Variants in EHD3 observed in about 807,000 individuals in gnomAD.
EHD3 encodes EH domain containing 3.
In EHD3, 17 loss-of-function variants were observed where a neutral mutation model predicts 43.0. The observed-to-expected ratio is 0.40, with a 90% CI of 0.27 to 0.59. The LOEUF is 0.59. EHD3 is among the 20% of genes least tolerant of loss of function. The pLI, the probability that EHD3 is intolerant of heterozygous loss-of-function variation, is 0.49. For synonymous variants in EHD3, 313 were observed against 289.5 expected (o/e 1.08, Z -0.82); for missense variants, 594 against 705.6 (o/e 0.84, Z 1.79).
chr2:31,243,538 C>A (rs1683463856), intron 1 of EHD3, among the ~76,000 whole-genome samples: 1 of 147,572 alleles, frequency 6.8e-6, no homozygotes, highest in Admixed American at 6.8e-5. Flanking sequence ...CTCACTGCGA[C>A]CTCTGCCTCC....
chr2:31,253,354 C>T (rs1180844674), intron 3 of EHD3, among the ~76,000 whole-genome samples: 1 of 151,992 alleles, frequency 6.6e-6, no homozygotes, highest in East Asian at 1.9e-4. Flanking sequence ...GGTTTGGCCA[C>T]AGAGCAGACT....
Position 31,266,742 on chromosome 2 carries a change from A to G in EHD3, c.*38A>G. The G allele has an allele frequency of 6.6e-7, 1 of 1,524,206 alleles. No individual in the cohort carries two copies. The highest frequency in any genetic ancestry group is 8.9e-7 in the Non-Finnish European group (1 of 1,126,962). 94.4% of individuals were successfully genotyped at this position (1,524,206 alleles called of 1,614,324 possible). On this transcript the variant is annotated 3_prime_UTR_variant, in exon 6 of 6. Coordinates refer to ENST00000322054, the MANE Select transcript of EHD3 (RefSeq NM_014600.3). The surrounding 1 kb of genome is among the most constrained non-coding windows in gnomAD (Gnocchi z 5.1). ...ACATTCAGACGGGCAGTGTTAGAGG[A>G]GGAGATGGGAGCGGTGACTACACAC...
At chr2:31,263,943 G>T (rs550169064) in intron 5 of EHD3, among the ~76,000 whole-genome samples, 1 of 152,300 alleles carries the variant, frequency 6.6e-6, no homozygotes, top group African/African-American at 2.4e-5. Context: ...TTCTTTTATG[G>T]TGTGGTGTGG....
rs1195967403 is a variant in EHD3, at chr2:31,260,932, C to T, written c.915+10C>T. 1.0e-5 allele frequency: 16 copies of T among 1,584,526 alleles called. No homozygotes were observed. In the South Asian group the frequency reaches 1.6e-4, roughly 16 times the overall value. ...GGCCAGGCTGGCCAAGGTGAGGCAG[C>T]CCCCTGGGAGGTGGGCAGCTTGGGC... On this transcript the variant is annotated intron_variant, in intron 4 of 5. Transcript: ENST00000322054. This position sits in a 1 kb window ranked among gnomAD's most constrained non-coding sequence, Gnocchi z 4.6.
intron 3 of EHD3, among the ~76,000 whole-genome samples, chr2:31,258,781 C>T (rs1683797832): frequency 6.6e-6 from 1 of 152,206 alleles, no homozygotes; most frequent in African/African-American, 2.4e-5. Context: ...CAGTGGTATT[C>T]AAAGTGTGGC....
In EHD3 at chr2:31,244,547, T is replaced by G; in HGVS notation, c.404+97T>G. On this transcript the variant is annotated intron_variant, in intron 2 of 5. Transcript: ENST00000322054. ...GTAGGCAGGGTCTTGGGATGCTTGG[T>G]GCCTAGAGTCTCCTGTCAATCTTTC... 4 of 1,323,332 alleles carry G rather than the reference T, an allele frequency of 3.0e-6. No homozygotes were observed. The East Asian group carries it at 9.4e-5, about 31-fold the overall frequency. The allele number at this position is 1,323,332 out of a possible 1,614,324, so 82.0% of individuals were successfully genotyped here. A position where few individuals can be genotyped will look rare whatever the true frequency, so the allele number is the denominator to read the frequency against.
chr2:31,238,252 G>T (rs767517438), intron 1 of EHD3, among the ~76,000 whole-genome samples: 52 of 152,104 alleles, frequency 3.4e-4, no homozygotes, highest in Non-Finnish European at 6.9e-4. Context: ...TCCCATCCCT[G>T]CTTCTTGCCT....
chr2:31,252,252 G>T (rs1572467585), intron 3 of EHD3, among the ~76,000 whole-genome samples: 2 of 152,202 alleles, frequency 1.3e-5, no homozygotes, highest in Middle Eastern at 3.2e-3. Flanking sequence ...ATAGCCCTGG[G>T]TCTGGATCAC....
At chr2:31,238,072 G>A (rs1683354937) in intron 1 of EHD3, among the ~76,000 whole-genome samples, 1 of 152,016 alleles carries the variant, frequency 6.6e-6, no homozygotes, top group African/African-American at 2.4e-5. Flanking sequence ...GCAGGGTTTT[G>A]TTTAAAATAT....
chr2:31,263,455 C>T (rs759402837), intron 5 of EHD3, among the ~76,000 whole-genome samples: 3 of 152,136 alleles, frequency 2.0e-5, no homozygotes, highest in East Asian at 1.9e-4. Flanking sequence ...GGGTGTCCAT[C>T]GTAGGGTAAT....
At position 31,260,961 on chromosome 2, in the gene EHD3, G is replaced by T. The variant is rs779511192; in HGVS notation, c.915+39G>T. 2.6e-6 allele frequency: 4 copies of T among 1,551,966 alleles called. No individual in the cohort carries two copies. The highest frequency in any genetic ancestry group is 2.5e-5 in the South Asian group (2 of 79,280). On this transcript the variant is annotated intron_variant, in intron 4 of 5. Coordinates refer to ENST00000322054, the MANE Select transcript of EHD3 (RefSeq NM_014600.3). The surrounding 1 kb of genome is among the most constrained non-coding windows in gnomAD (Gnocchi z 4.6). ...CTGGGAGGTGGGCAGCTTGGGCAGG[G>T]GCCCAGAGTTTGGGGTCAGCTGCAC...
chr2:31,260,605 T>G lies in EHD3; in HGVS notation c.598T>G (p.Phe200Val). 1.2e-6 allele frequency: 2 copies of G among 1,614,112 alleles called. No individual in the cohort carries two copies. Among genetic ancestry groups the G allele is most frequent in the Non-Finnish European group, 1.7e-6 (2 of 1,180,038 alleles). ...CCACAAACTGGACATCTCTGATGAGTTCTCAGAAGTCATCAAAGCCCTCAA... is the reference window on the plus strand; with the variant it reads ...CCACAAACTGGACATCTCTGATGAGGTCTCAGAAGTCATCAAAGCCCTCAA... ...DAHKLDISDE[F>V]SEVIKALKNH... is the part of the protein sequence containing the mutation. Residue 200 changes from phenylalanine (F) to valine (V), a missense_variant, in exon 4 of 6, where the codon TTC becomes GTC. Around this residue, in one of 3 missense-constraint regions of EHD3, gnomAD observed 243 missense variants for 296.7 expected, o/e 0.82. Coordinates refer to ENST00000322054, the MANE Select transcript of EHD3 (RefSeq NM_014600.3). The surrounding 1 kb of genome is among the most constrained non-coding windows in gnomAD (Gnocchi z 4.6).
rs1425103510 is a variant in EHD3 at position 31,244,335 on chromosome 2, T to C, written c.289T>C (p.Phe97Leu). 6.2e-7 allele frequency: 1 copy of C among 1,614,210 alleles called. No homozygotes were observed. Residue 97 changes from phenylalanine (F) to leucine (L), a missense_variant, in exon 2 of 6, where the codon TTC becomes CTC. Phe to Leu is a conservative substitution (Grantham distance 22, BLOSUM62 0). Coordinates refer to ENST00000322054, the MANE Select transcript of EHD3 (RefSeq NM_014600.3). Reference sequence around the variant, plus strand: ...TGGGCCTGAGCCCACCACAGACTCCTTCATTGCGGTGATGCAGGGAGACAT... The same window carrying C: ...TGGGCCTGAGCCCACCACAGACTCCCTCATTGCGGTGATGCAGGGAGACAT... ...RIGPEPTTDS[F>L]IAVMQGDMEG... is the part of the protein sequence containing the mutation.
At position 31,266,449 on chromosome 2, in the gene EHD3, C is replaced by CT; in HGVS notation, c.1355dup (p.Tyr453LeufsTer14). On this transcript the variant is annotated frameshift_variant, in exon 6 of 6. Coordinates refer to ENST00000322054, the MANE Select transcript of EHD3 (RefSeq NM_014600.3). LOFTEE classifies it high-confidence loss of function. This position sits in a 1 kb window ranked among gnomAD's most constrained non-coding sequence, Gnocchi z 5.1. ...GGGACAAGCCCATGTACGACGAGAT[C>CT]TTCTACACCCTGTCACCGGTGGATG... is the stretch of plus-strand genomic sequence containing the variant. 1 of 1,613,950 alleles carries CT rather than the reference C, an allele frequency of 6.2e-7. No individual in the cohort carries two copies. Among genetic ancestry groups the CT allele is most frequent in the Non-Finnish European group, 8.5e-7 (1 of 1,179,962 alleles).
At chr2:31,238,374 C>T (rs760561985) in intron 1 of EHD3, among the ~76,000 whole-genome samples, 19 of 152,242 alleles carry the variant, frequency 1.2e-4, no homozygotes, top group Non-Finnish European at 2.5e-4. Flanking sequence ...AGGGTCCATC[C>T]ACTTTCAGTA....
intron 2 of EHD3, among the ~76,000 whole-genome samples, chr2:31,247,009 G>A (rs1212348055): frequency 8.6e-5 from 13 of 151,520 alleles, no homozygotes; most frequent in East Asian, 1.9e-4. Flanking sequence ...CAATTTTCCC[G>A]CCTCAGCCTC....
At chr2:31,253,908 G>A (rs77059963) in intron 3 of EHD3, among the ~76,000 whole-genome samples, 2,142 of 152,270 alleles carry the variant, frequency 0.014, 56 homozygotes, top group African/African-American at 0.049. Context: ...AAGAAGTGAG[G>A]ATGCAGCAGG....
At chr2:31,261,099 C>A (rs1029970244) in intron 4 of EHD3, among the ~76,000 whole-genome samples, 177 bp downstream of exon 4, 1 of 152,250 alleles carries the variant, frequency 6.6e-6, no homozygotes, top group Non-Finnish European at 1.5e-5. Context: ...CAGATTGGAA[C>A]TGACTCCATT....
intron 1 of EHD3, among the ~76,000 whole-genome samples, chr2:31,235,607 A>G (rs151002308): frequency 2.1e-4 from 32 of 152,362 alleles, no homozygotes; most frequent in African/African-American, 7.5e-4. Flanking sequence ...GTGCAGAGCC[A>G]TCTAAAGAGT....
Sources: gnomAD v4.1 joint callset for allele counts (sites outside exome capture counted in the v4.1 genomes callset) on GRCh38, gnomAD v4.1.1 for gene constraint, gnomAD v4.1.1 regional missense constraint, Gnocchi (gnomAD v3.1) non-coding constraint, MANE v1.5 for transcripts, NCBI Gene and HGNC (gene_info 2026-07-23, HGNC 2026-07-21) for gene names.